NAV3: variants seen among roughly 807,000 people sequenced by gnomAD.
The protein encoded by NAV3 is neuron navigator 3, also known as pore membrane and/or filament interacting like protein 1.
NAV3 carries 87 observed loss-of-function variants against 244.7 expected under a neutral mutation model. The observed-to-expected ratio is 0.36, with a 90% CI of 0.30 to 0.42. The LOEUF is 0.42. Ranked by LOEUF, NAV3 falls within the 20% of genes least tolerant of loss-of-function variation. The pLI is 1.00. For missense variants in NAV3, 2,663 were observed against 2,893.3 expected, an observed-to-expected ratio of 0.92 and a Z score of 1.83; for synonymous variants, 1,126 against 1,042.2, an observed-to-expected ratio of 1.08 and a Z score of -1.55.
chr12:77,944,431 A>C (rs1890147045), intron 3 of NAV3, among the ~76,000 whole-genome samples: 1 of 152,150 alleles, frequency 6.6e-6, no homozygotes, highest in African/African-American at 2.4e-5. Context: ...TGAATGGGTA[A>C]GTAATTACCA....
intron 3 of NAV3, among the ~76,000 whole-genome samples, chr12:77,951,084 A>C (rs1368297247): frequency 1.3e-5 from 2 of 152,232 alleles, no homozygotes; most frequent in South Asian, 2.1e-4. Flanking sequence ...TAATTAAACT[A>C]AAGAGCTTCT....
intron 12 of NAV3, among the ~76,000 whole-genome samples, chr12:78,090,549 A>G (rs1235915714): frequency 3.9e-5 from 6 of 152,260 alleles, no homozygotes; most frequent in Non-Finnish European, 7.4e-5. Flanking sequence ...TATTTTCTCA[A>G]TGATCTTGGT....
At chr12:78,078,710 A>T (rs1446842326) in intron 12 of NAV3, among the ~76,000 whole-genome samples, 1 of 151,876 alleles carries the variant, frequency 6.6e-6, no homozygotes, top group African/African-American at 2.4e-5. Flanking sequence ...CCACTCTTTT[A>T]AATTTAAAGC....
At position 78,197,255 on chromosome 12, in the gene NAV3, A is replaced by G. The variant is rs1959189589; in HGVS notation, c.6300A>G (p.Gln2100=). Residue 2100 remains glutamine (Q), a synonymous_variant, in exon 35 of 40, where the codon CAA becomes CAG. Transcript: ENST00000397909. ...NVDHKSSKEL[Q]QYLANLAEQC... ...TCTTCATTTTTTAAAAGGAATTGCA[A>G]CAATATCTAGCTAACCTGGCTGAAC... 3.2e-6 allele frequency: 5 copies of G among 1,543,442 alleles called. No homozygotes were observed. Among genetic ancestry groups the G allele is most frequent in the Non-Finnish European group, 4.4e-6 (5 of 1,144,348 alleles).
At chr12:78,033,430 C>T (rs1389597686) in intron 9 of NAV3, among the ~76,000 whole-genome samples, 1 of 151,974 alleles carries the variant, frequency 6.6e-6, no homozygotes, top group Non-Finnish European at 1.5e-5. Flanking sequence ...CACATTTTTC[C>T]TACTGACTGG....
chr12:77,941,010 T>G, intron 2 of NAV3, 71 bp from the exon 3 acceptor site: 1 of 948,612 alleles, frequency 1.1e-6, no homozygotes, highest in South Asian at 1.4e-5. Flanking sequence ...TGTTTTCGTG[T>G]GTGTGTTTCA....
intron 2 of NAV3, among the ~76,000 whole-genome samples, chr12:77,746,042 T>C (rs753587168): frequency 4.7e-5 from 7 of 149,892 alleles, no homozygotes; most frequent in Non-Finnish European, 7.4e-5. Flanking sequence ...TAGTAAATTA[T>C]GGTAACCTGA....
At chr12:77,686,356 A>T (rs814286) in intron 2 of NAV3, among the ~76,000 whole-genome samples, 1 of 151,266 alleles carries the variant, frequency 6.6e-6, no homozygotes. Context: ...GCCTCCCAGA[A>T]TGCTAGGATT....
At chr12:77,671,067 A>C (rs1159516285) in intron 2 of NAV3, among the ~76,000 whole-genome samples, 3 of 152,092 alleles carry the variant, frequency 2.0e-5, no homozygotes, top group African/African-American at 7.2e-5. Context: ...AGCTCCCAGA[A>C]CCGGTAAATG....
chr12:77,940,184 C>A, intron 1 of NAV3, 135 bp from the exon 2 acceptor site: 1 of 668,712 alleles, frequency 1.5e-6, no homozygotes, highest in South Asian at 1.9e-5. Context: ...CAACTATTTC[C>A]TTTAGAGCTA....
At chr12:78,136,966 T>C (rs300461) in intron 18 of NAV3, among the ~76,000 whole-genome samples, 50,829 of 151,798 alleles carry the variant, frequency 0.33, 8,751 homozygotes, top group East Asian at 0.48. Context: ...TAGAAATTGA[T>C]GTAAGGCTTC....
intron 3 of NAV3, among the ~76,000 whole-genome samples, chr12:77,942,227 C>T (rs1179841198): frequency 2.0e-5 from 3 of 151,976 alleles, no homozygotes; most frequent in Non-Finnish European, 4.4e-5. Flanking sequence ...ACAAAATTAG[C>T]CAGGTGTGGT....
intron 1 of NAV3, among the ~76,000 whole-genome samples, chr12:77,845,090 G>A (rs901273694): frequency 4.6e-5 from 7 of 152,136 alleles, no homozygotes; most frequent in Middle Eastern, 3.4e-3. Context: ...TAGAACTAAC[G>A]AGAAAAATTT....
At chr12:77,977,159 G>A (rs563050441) in intron 5 of NAV3, among the ~76,000 whole-genome samples, 1 of 152,192 alleles carries the variant, frequency 6.6e-6, no homozygotes, top group Non-Finnish European at 1.5e-5. Context: ...AGTAGGATGA[G>A]GACTGATAAC....
intron 2 of NAV3, among the ~76,000 whole-genome samples, chr12:77,586,494 A>G (rs1869620790): frequency 6.6e-6 from 1 of 152,208 alleles, no homozygotes; most frequent in African/African-American, 2.4e-5. Flanking sequence ...GCTTTTGTAG[A>G]GAGGAATTCA....
chr12:78,048,258 G>T (rs1372470444), intron 9 of NAV3, among the ~76,000 whole-genome samples: 1 of 152,122 alleles, frequency 6.6e-6, no homozygotes, highest in Non-Finnish European at 1.5e-5. Context: ...TTCCCTTGCT[G>T]GTGAAGAGTT....
intron 12 of NAV3, among the ~76,000 whole-genome samples, chr12:78,103,669 A>G (rs1483320736): frequency 6.6e-6 from 1 of 152,226 alleles, no homozygotes; most frequent in Non-Finnish European, 1.5e-5. Context: ...CTTCACAATC[A>G]TGGCAGGAGG....
At chr12:77,638,071 T>C (rs1872234547) in intron 2 of NAV3, among the ~76,000 whole-genome samples, 1 of 152,220 alleles carries the variant, frequency 6.6e-6, no homozygotes. Flanking sequence ...ATAATGTTTC[T>C]TGTCTATAGG....
intron 6 of NAV3, among the ~76,000 whole-genome samples, chr12:77,997,098 G>A (rs113860928): frequency 6.6e-6 from 1 of 151,876 alleles, no homozygotes; most frequent in African/African-American, 2.4e-5. Flanking sequence ...GATGAGCCGG[G>A]CATGATAGCA....
Sources: allele counts gnomAD v4.1 joint callset (sites outside exome capture counted in the v4.1 genomes callset), GRCh38; gene constraint gnomAD v4.1.1; transcripts MANE v1.5; gene names NCBI Gene and HGNC (gene_info 2026-07-23, HGNC 2026-07-21).